PADI2: variants seen among roughly 807,000 people sequenced by gnomAD.
PADI2 encodes peptidyl arginine deiminase 2.
PADI2 carries 70 observed loss-of-function variants against 81.1 expected under a neutral mutation model. That is an observed-to-expected ratio of 0.86 (90% CI 0.71 to 1.05). PADI2 has a LOEUF of 1.05. Among genes scored for constraint, PADI2 ranks in the 50% least tolerant of loss-of-function variants. The pLI is 0.00. For synonymous variants in PADI2, 338 were observed against 358.0 expected (o/e 0.94, Z 0.63); for missense variants, 853 against 889.9 (o/e 0.96, Z 0.53).
intron 2 of PADI2, 36 bp downstream of exon 2, chr1:17,104,842 C>T (rs774016005): frequency 2.1e-5 from 32 of 1,522,480 alleles, no homozygotes; most frequent in Middle Eastern, 4.8e-4. Context: ...TGGCATGGTC[C>T]CGGGCCCGCA....
At chr1:17,093,080 ATTCTTCTTC>A (rs536299964) in intron 5 of PADI2, among the ~76,000 whole-genome samples, 10 of 149,990 alleles carry the variant, frequency 6.7e-5, no homozygotes, top group Non-Finnish European at 1.5e-5. Flanking sequence ...TTTTCTTTTT[ATTCTTCTTC>A]TTCTTCTTCT....
At chr1:17,071,662 C>T (rs564568526) in intron 13 of PADI2, among the ~76,000 whole-genome samples, 171 bp from the exon 14 acceptor site, 1 of 152,164 alleles carries the variant, frequency 6.6e-6, no homozygotes, top group Admixed American at 6.5e-5. Context: ...TCAGGCCCCC[C>T]TCTGTCTGGG....
At chr1:17,116,099 C>G (rs2100228455) in intron 1 of PADI2, among the ~76,000 whole-genome samples, 1 of 152,358 alleles carries the variant, frequency 6.6e-6, no homozygotes, top group Non-Finnish European at 1.5e-5. Context: ...GATCCTTCCT[C>G]CTGTTCTCTG....
At chr1:17,090,709 C>G (rs889040108) in intron 6 of PADI2, among the ~76,000 whole-genome samples, 2 of 151,834 alleles carry the variant, frequency 1.3e-5, no homozygotes, top group Non-Finnish European at 2.9e-5. Flanking sequence ...CTGCTCCCCA[C>G]AGGATGGGCA....
At chr1:17,102,140 A>G (rs921681013) in intron 3 of PADI2, among the ~76,000 whole-genome samples, 2 of 152,256 alleles carry the variant, frequency 1.3e-5, no homozygotes, top group Non-Finnish European at 2.9e-5. Context: ...TTCCTCTGCC[A>G]TGCGGCAACT....
chr1:17,070,549 G>T (rs751901735), intron 14 of PADI2, among the ~76,000 whole-genome samples: 3 of 152,248 alleles, frequency 2.0e-5, no homozygotes, highest in Admixed American at 6.5e-5. Flanking sequence ...TAACACTGAT[G>T]ATTTTGGTAA....
At chr1:17,084,243 C>G (rs2078368856) in intron 8 of PADI2, among the ~76,000 whole-genome samples, 1 of 152,170 alleles carries the variant, frequency 6.6e-6, no homozygotes, top group African/African-American at 2.4e-5. Flanking sequence ...TGTTGTGGAC[C>G]TAGCTCATAA....
chr1:17,069,187 G>C lies in PADI2; in HGVS notation c.1855C>G (p.Arg619Gly). 6.2e-7 allele frequency: 1 copy of C among 1,614,200 alleles called. No homozygotes were observed. The highest frequency in any genetic ancestry group is 8.5e-7 in the Non-Finnish European group (1 of 1,180,006). Reference protein sequence around the residue: ...EEECCLEMHVRGLLEPLGLEC... With the variant: ...EEECCLEMHVGGLLEPLGLEC... ...AGGCCCAGGGGCTCCAGGAGGCCAC[G>C]CACGTGCATCTCCAGGCAGCATTCC... Residue 619 changes from arginine (R) to glycine (G), a missense_variant, in exon 16 of 16, where the codon CGT becomes GGT. Physicochemically the swap from Arg to Gly is moderately radical, Grantham distance 125. Coordinates refer to ENST00000375486, the MANE Select transcript of PADI2 (RefSeq NM_007365.3).
chr1:17,109,476 A>C (rs2101610435), intron 1 of PADI2, among the ~76,000 whole-genome samples: 1 of 149,252 alleles, frequency 6.7e-6, no homozygotes, highest in South Asian at 2.1e-4. Context: ...CAGAGCCACT[A>C]CTACTACTAT....
rs1278427939 is a variant in PADI2 at position 17,092,355 on chromosome 1, A to T, written c.655+53T>A. On this transcript the variant is annotated intron_variant, in intron 6 of 15. Coordinates refer to ENST00000375486, the MANE Select transcript of PADI2 (RefSeq NM_007365.3). ...TGTGAAGGCCACAACTGCTAAGGGG[A>T]GGAGGGTAGGTGGCTAGAAAGGTCT... The T allele has an allele frequency of 2.0e-5, 30 of 1,484,180 alleles. No individual in the cohort carries two copies. The East Asian group carries it at 5.5e-4, about 27-fold the overall frequency. 91.9% of individuals were successfully genotyped at this position (1,484,180 alleles called of 1,614,324 possible).
intron 1 of PADI2, among the ~76,000 whole-genome samples, chr1:17,110,838 G>T (rs912788330): frequency 6.6e-6 from 1 of 151,974 alleles, no homozygotes; most frequent in East Asian, 1.9e-4. Flanking sequence ...ACTCCTTGAA[G>T]GTAGGGATTG....
rs907673886 is a variant in PADI2 at position 17,083,930 on chromosome 1, T to G, written c.939-93A>C. 61 of 812,080 alleles carry G rather than the reference T, an allele frequency of 7.5e-5. 1 individual carries two copies. The South Asian group carries it at 7.7e-4, about 10-fold the overall frequency. 50.3% of individuals were successfully genotyped at this position (812,080 alleles called of 1,614,324 possible). A position where few individuals can be genotyped will look rare whatever the true frequency, so the allele number is the denominator to read the frequency against. ...AGATGGTGACAGCAGCTGGTATCTC[T>G]GGGCTGTGCCGGGCAGATCAGTCTA... On this transcript the variant is annotated intron_variant, in intron 8 of 15. Transcript: ENST00000375486.
In PADI2 at chr1:17,090,581, T is replaced by TTGTGTGTGTGTGTGTGTG. The variant is rs3036949; in HGVS notation, c.655+1809_655+1826dup. ...TGGTCAATTATCTGTCGTCCTTTGC[T>TTGTGTGTGTGTGTGTGTG]TGTGTGTGTGTGTGTGTGTGTGTGT... On this transcript the variant is annotated intron_variant, in intron 6 of 15. Coordinates refer to ENST00000375486, the MANE Select transcript of PADI2 (RefSeq NM_007365.3). 1.5e-3 allele frequency among the ~76,000 whole-genome samples: 219 copies of TTGTGTGTGTGTGTGTGTG among 142,848 alleles called. 3 individuals are homozygous for TTGTGTGTGTGTGTGTGTG. Among genetic ancestry groups the TTGTGTGTGTGTGTGTGTG allele is most frequent in the African/African-American group, 2.1e-3 (81 of 38,380 alleles). 93.7% of individuals were successfully genotyped at this position (142,848 alleles called of 152,430 possible).
chr1:17,115,797 G>T lies in PADI2; in HGVS notation c.92+3483C>A, dbSNP rs558757248. On this transcript the variant is annotated intron_variant, in intron 1 of 15. Coordinates refer to ENST00000375486, the MANE Select transcript of PADI2 (RefSeq NM_007365.3). This position sits in a 1 kb window ranked among gnomAD's most constrained non-coding sequence, Gnocchi z 4.1. ...TGCCAAGACTAAGATGAGTATATTT[G>T]GGAAGAGCAGAAGGAAACAGCGAGT... Among the ~76,000 whole-genome samples the T allele has an allele frequency of 6.6e-6, 1 of 152,362 alleles. No individual in the cohort carries two copies. The highest frequency in any genetic ancestry group is 1.9e-4 in the East Asian group (1 of 5,180).
chr1:17,103,588 C>A (rs993520386), intron 2 of PADI2, among the ~76,000 whole-genome samples: 1 of 152,106 alleles, frequency 6.6e-6, no homozygotes, highest in African/African-American at 2.4e-5. Flanking sequence ...TTCTATGGTT[C>A]TGAGCCTCTA....
At chr1:17,074,323 C>T (rs1057086427) in intron 13 of PADI2, among the ~76,000 whole-genome samples, 11 of 147,714 alleles carry the variant, frequency 7.4e-5, no homozygotes, top group South Asian at 2.1e-4. Context: ...ACCTGGGAGG[C>T]GGAGGTTGTA....
intron 1 of PADI2, among the ~76,000 whole-genome samples, chr1:17,114,935 T>A (rs1278378113): frequency 6.6e-6 from 1 of 152,026 alleles, no homozygotes; most frequent in Non-Finnish European, 1.5e-5. Flanking sequence ...GAAGAGGAGA[T>A]CAGTGAGGTA....
In PADI2 at chr1:17,070,256, GAC is replaced by G. The variant is rs763794111; in HGVS notation, c.1636-42_1636-41del. ...GGATGGAGGGCATGCAGGTGAGGGGGACACACACCGGCCACCTTGTCAACCCC... is the reference window on the plus strand; with the variant it reads ...GGATGGAGGGCATGCAGGTGAGGGGGACACACCGGCCACCTTGTCAACCCC... On this transcript the variant is annotated intron_variant, in intron 14 of 15. Transcript: ENST00000375486. The G allele has an allele frequency of 5.6e-6, 9 of 1,607,332 alleles. No individual in the cohort carries two copies. In the African/African-American group the frequency reaches 1.2e-4, roughly 21 times the overall value.
chr1:17,070,249 TG>T (rs1325452348), intron 14 of PADI2, 33 bp from the exon 15 acceptor site: 1 of 1,610,808 alleles, frequency 6.2e-7, no homozygotes, highest in Non-Finnish European at 8.5e-7. Context: ...GGCATGCAGG[TG>T]AGGGGGACAC....
Sources: allele counts gnomAD v4.1 joint callset (sites outside exome capture counted in the v4.1 genomes callset), GRCh38; gene constraint gnomAD v4.1.1; non-coding constraint Gnocchi (gnomAD v3.1); transcripts MANE v1.5; gene names NCBI Gene and HGNC (gene_info 2026-07-23, HGNC 2026-07-21).